DLC1: variants seen among roughly 807,000 people sequenced by gnomAD.
DLC1 encodes the protein DLC1 Rho GTPase activating protein.
In DLC1, 54 loss-of-function variants were observed where a neutral mutation model predicts 140.3. The ratio of observed to expected loss-of-function variants is 0.38; its 90% CI spans 0.31 to 0.48. The LOEUF (loss-of-function observed/expected upper bound fraction) is 0.48. Among genes scored for constraint, DLC1 ranks in the 20% least tolerant of loss-of-function variants. DLC1 has a pLI of 0.96. For missense variants in DLC1, 2,536 were observed against 1,907.0 expected (o/e 1.33, Z -6.14); for synonymous variants, 986 against 728.1 (o/e 1.35, Z -5.70).
chr8:13,327,051 T>A (rs1313319399), intron 4 of DLC1, among the ~76,000 whole-genome samples: 1 of 151,666 alleles, frequency 6.6e-6, no homozygotes, highest in East Asian at 1.9e-4. Context: ...GCCTCCCAGG[T>A]TCATGCCACT....
intron 3 of DLC1, among the ~76,000 whole-genome samples, chr8:13,396,702 G>C (rs765406728): frequency 6.6e-6 from 1 of 152,070 alleles, no homozygotes; most frequent in Non-Finnish European, 1.5e-5. Flanking sequence ...ATTCTGCAGA[G>C]GCCTCAAACA....
At chr8:13,418,095 T>G (rs1294587232) in intron 2 of DLC1, among the ~76,000 whole-genome samples, 2 of 152,186 alleles carry the variant, frequency 1.3e-5, no homozygotes, top group Non-Finnish European at 2.9e-5. Context: ...TTTGAGTTCA[T>G]TGTAGATTCT....
chr8:13,440,460 C>G (rs1208227315), intron 2 of DLC1, among the ~76,000 whole-genome samples: 1 of 151,876 alleles, frequency 6.6e-6, no homozygotes, highest in African/African-American at 2.4e-5. Context: ...CTACATGTGT[C>G]AATGAAATGT....
At chr8:13,570,399 C>T (rs1243766755) in intron 1 of DLC1, among the ~76,000 whole-genome samples, 1 of 147,850 alleles carries the variant, frequency 6.8e-6, no homozygotes, top group Non-Finnish European at 1.5e-5. Flanking sequence ...CACCCACTAA[C>T]TCGTCATCTA....
chr8:13,540,447 A>T (rs890841202), intron 1 of DLC1, among the ~76,000 whole-genome samples: 1 of 152,160 alleles, frequency 6.6e-6, no homozygotes, highest in Admixed American at 6.5e-5. Context: ...CTCTTTAGAT[A>T]TTATTAAGGA....
chr8:13,555,031 T>C (rs1485690506), intron 1 of DLC1, among the ~76,000 whole-genome samples: 2 of 152,214 alleles, frequency 1.3e-5, no homozygotes, highest in Non-Finnish European at 2.9e-5. Flanking sequence ...CTCTCAGTCT[T>C]GTAACACTTG....
chr8:13,599,842 T>A (rs919887437), intron 1 of DLC1, among the ~76,000 whole-genome samples: 5 of 152,050 alleles, frequency 3.3e-5, no homozygotes, highest in East Asian at 3.9e-4. Flanking sequence ...AACATAAAAA[T>A]TTTTATATGA....
intron 1 of DLC1, among the ~76,000 whole-genome samples, chr8:13,574,839 C>G (rs1057304928): frequency 6.6e-6 from 1 of 151,956 alleles, no homozygotes; most frequent in Admixed American, 6.6e-5. Flanking sequence ...TGTCTGGGAC[C>G]CAGCTTAGAA....
At chr8:13,457,586 A>G (rs1219002461) in intron 2 of DLC1, among the ~76,000 whole-genome samples, 2 of 144,742 alleles carry the variant, frequency 1.4e-5, no homozygotes, top group Non-Finnish European at 3.0e-5. Flanking sequence ...CTGAGGCAGG[A>G]GAATGATGTG....
At chr8:13,557,522 G>A (rs1804090577) in intron 1 of DLC1, 1 of 152,224 alleles carries the variant, frequency 6.6e-6, no homozygotes, top group South Asian at 2.1e-4. Flanking sequence ...GAGGTTCCAG[G>A]TGGACGTGAT....
rs1008071401 is a variant in DLC1, at chr8:13,084,650, C to G, written c.*1161G>C. 6.9e-6 allele frequency: 1 copy of G among 145,676 alleles called. No homozygotes were observed. The highest frequency in any genetic ancestry group is 2.5e-5 in the African/African-American group (1 of 39,770). 9.0% of individuals were successfully genotyped at this position (145,676 alleles called of 1,614,324 possible). A position where few individuals can be genotyped will look rare whatever the true frequency, so the allele number is the denominator to read the frequency against. On this transcript the variant is annotated 3_prime_UTR_variant, in exon 18 of 18. Transcript: ENST00000276297. ...GAAATGTAGGAAAAATAAAATAAGA[C>G]AAAAAGTCATAAAACCAGAAAACCT...
At chr8:13,580,122 T>TTTTTTTTTA (rs1033147186) in intron 1 of DLC1, among the ~76,000 whole-genome samples, 5 of 220 alleles carry the variant, frequency 0.023, no homozygotes, top group East Asian at 0.25. Context: ...GTTGGTTACA[T>TTTTTTTTTA]TTATTTTTTT....
At chr8:13,296,135 T>C (rs1176783592) in intron 5 of DLC1, among the ~76,000 whole-genome samples, 2 of 151,740 alleles carry the variant, frequency 1.3e-5, no homozygotes, top group African/African-American at 4.8e-5. Flanking sequence ...TTTGTATTTT[T>C]AGTAGAGACA....
intron 4 of DLC1, among the ~76,000 whole-genome samples, chr8:13,333,699 A>G (rs760357362): frequency 1.3e-5 from 2 of 152,212 alleles, no homozygotes; most frequent in Non-Finnish European, 2.9e-5. Flanking sequence ...AATGTGTACA[A>G]CAAAATTTAT....
chr8:13,275,416 A>C (rs146005164), intron 5 of DLC1, among the ~76,000 whole-genome samples: 1 of 152,226 alleles, frequency 6.6e-6, no homozygotes, highest in Non-Finnish European at 1.5e-5. Flanking sequence ...TGGATTGACC[A>C]AAGAGGTTAA....
chr8:13,168,816 A>G (rs1825272822), intron 5 of DLC1, among the ~76,000 whole-genome samples: 1 of 152,208 alleles, frequency 6.6e-6, no homozygotes, highest in South Asian at 2.1e-4. Context: ...TGCTATATCT[A>G]TCTGTGTTCC....
At chr8:13,391,408 T>A (rs577993034) in intron 4 of DLC1, among the ~76,000 whole-genome samples, 14 of 152,320 alleles carry the variant, frequency 9.2e-5, no homozygotes, top group African/African-American at 3.4e-4. Context: ...TAACATATTT[T>A]CAGAAAATAT....
intron 2 of DLC1, 172 bp downstream of exon 2, chr8:13,498,877 T>C (rs1801635917): frequency 1.5e-6 from 1 of 652,446 alleles, no homozygotes; most frequent in Non-Finnish European, 2.5e-6. Flanking sequence ...TATTCTTTAA[T>C]TTTTACATAT....
In DLC1 at chr8:13,214,845, A is replaced by G. The variant is rs865959963; in HGVS notation, c.1348+90424T>C. 8 of 755,354 alleles carry G rather than the reference A, an allele frequency of 1.1e-5. No homozygotes were observed. In the Middle Eastern group the frequency reaches 1.4e-3, roughly 132 times the overall value. The allele number at this position is 755,354 out of a possible 1,614,324, so 46.8% of individuals were successfully genotyped here. On this transcript the variant is annotated intron_variant, in intron 5 of 17. Transcript: ENST00000276297. Reference sequence around the variant, plus strand: ...ATTTGAGTGCTGGTGGCAATCAATGAGTGGCAATAGATGGGTCTCATGACA... The same window carrying G: ...ATTTGAGTGCTGGTGGCAATCAATGGGTGGCAATAGATGGGTCTCATGACA...
Sources: gnomAD v4.1 joint callset for allele counts (sites outside exome capture counted in the v4.1 genomes callset) on GRCh38, gnomAD v4.1.1 for gene constraint, MANE v1.5 for transcripts, NCBI Gene and HGNC (gene_info 2026-07-23, HGNC 2026-07-21) for gene names.